Variants in CCDC3 observed in about 807,000 individuals in gnomAD.
CCDC3 encodes the protein coiled-coil domain containing 3, also known as coiled-coil domain-containing protein 3.
A neutral mutation model predicts 21.4 loss-of-function variants in CCDC3; 24 were observed. That is an observed-to-expected ratio of 1.12 (90% CI 0.81 to 1.58). The LOEUF is 1.58. Ranked by LOEUF, CCDC3 falls within the 40% of genes most tolerant of loss-of-function variation. The probability of loss-of-function intolerance (pLI) is 0.00; values close to 1 mark genes in which losing one functional copy is unlikely to be tolerated. For synonymous variants in CCDC3, 186 were observed against 166.0 expected, an observed-to-expected ratio of 1.12 and a Z score of -0.93; for missense variants, 425 against 360.9, an observed-to-expected ratio of 1.18 and a Z score of -1.44.
intron 2 of CCDC3, among the ~76,000 whole-genome samples, chr10:12,930,932 CG>C (rs1834629319): frequency 6.6e-6 from 1 of 152,114 alleles, no homozygotes. Context: ...TTTACTTGGC[CG>C]GGTGTAGTGG....
intron 2 of CCDC3, among the ~76,000 whole-genome samples, chr10:12,969,573 G>C (rs896196929): frequency 6.6e-6 from 1 of 151,288 alleles, no homozygotes; most frequent in Non-Finnish European, 1.5e-5. Flanking sequence ...TATGATAACA[G>C]TATGAAAAAG....
intron 3 of CCDC3, among the ~76,000 whole-genome samples, chr10:13,097,740 C>T (rs980491429): frequency 4.6e-5 from 7 of 151,994 alleles, no homozygotes; most frequent in Non-Finnish European, 1.0e-4. Context: ...TAAAATAAAA[C>T]CTTTGGGGCA....
At chr10:12,921,012 C>A (rs948294585) in intron 2 of CCDC3, among the ~76,000 whole-genome samples, 2 of 152,190 alleles carry the variant, frequency 1.3e-5, no homozygotes, top group African/African-American at 4.8e-5. Flanking sequence ...TGAGAACATT[C>A]TCTTTGCAGA....
In CCDC3 at chr10:12,898,363, A is replaced by T; in HGVS notation, c.*53T>A. 1 of 1,514,290 alleles carries T rather than the reference A, an allele frequency of 6.6e-7. No homozygotes were observed. The highest frequency in any genetic ancestry group is 1.3e-5 in the South Asian group (1 of 77,418). 93.8% of individuals were successfully genotyped at this position (1,514,290 alleles called of 1,614,324 possible). A position where few individuals can be genotyped will look rare whatever the true frequency, so the allele number is the denominator to read the frequency against. On this transcript the variant is annotated 3_prime_UTR_variant, in exon 3 of 3. Transcript: ENST00000378825. Reference sequence around the variant, plus strand: ...TAGCTGCATGTACGAAACCTCACTCATTCTCAATTACCGTCAGGATTGGCC... The same window carrying T: ...TAGCTGCATGTACGAAACCTCACTCTTTCTCAATTACCGTCAGGATTGGCC...
chr10:12,905,016 C>T (rs536627602), intron 2 of CCDC3, among the ~76,000 whole-genome samples: 1 of 151,970 alleles, frequency 6.6e-6, no homozygotes, highest in Non-Finnish European at 1.5e-5. Context: ...CCTTTCACAG[C>T]TGCTTTTAAT....
chr10:12,929,565 G>A (rs1180872722), intron 2 of CCDC3, among the ~76,000 whole-genome samples: 1 of 152,132 alleles, frequency 6.6e-6, no homozygotes, highest in East Asian at 1.9e-4. Flanking sequence ...CACAGGGAAT[G>A]GAGCTCACTC....
At chr10:12,915,898 T>C (rs1834345385) in intron 2 of CCDC3, among the ~76,000 whole-genome samples, 1 of 151,630 alleles carries the variant, frequency 6.6e-6, no homozygotes, top group African/African-American at 2.4e-5. Context: ...CTTGAGACCA[T>C]GGGTGCTGAC....
At chr10:12,909,124 G>A (rs1834223744) in intron 2 of CCDC3, among the ~76,000 whole-genome samples, 1 of 152,164 alleles carries the variant, frequency 6.6e-6, no homozygotes, top group African/African-American at 2.4e-5. Context: ...GGATGCCTCT[G>A]CTTGTTTAGT....
At chr10:12,956,200 C>T (rs1256021132) in intron 2 of CCDC3, among the ~76,000 whole-genome samples, 1 of 152,198 alleles carries the variant, frequency 6.6e-6, no homozygotes, top group Non-Finnish European at 1.5e-5. Context: ...GCCAAACCAC[C>T]AACCCTACCC....
upstream of CCDC3, among the ~76,000 whole-genome samples, chr10:13,005,759 G>A (rs995130131): frequency 6.6e-6 from 1 of 152,124 alleles, no homozygotes; most frequent in African/African-American, 2.4e-5. Flanking sequence ...CTTGTACACA[G>A]CCTGAACTTG....
chr10:13,031,455 T>C (rs890262603), intron 5 of CCDC3, among the ~76,000 whole-genome samples: 6 of 151,690 alleles, frequency 4.0e-5, no homozygotes, highest in African/African-American at 1.2e-4. Flanking sequence ...CAAGAGCAAA[T>C]ACATTCAAAA....
At chr10:12,927,508 T>C (rs1323660334) in intron 2 of CCDC3, among the ~76,000 whole-genome samples, 2 of 152,220 alleles carry the variant, frequency 1.3e-5, no homozygotes, top group East Asian at 3.8e-4. Flanking sequence ...CTCTAGTCTC[T>C]TTTACAATAT....
intron 2 of CCDC3, among the ~76,000 whole-genome samples, chr10:12,943,268 C>G (rs1286089357): frequency 6.6e-6 from 1 of 151,896 alleles, no homozygotes; most frequent in Non-Finnish European, 1.5e-5. Flanking sequence ...AAATACAATT[C>G]TAAGCACCCC....
At chr10:12,932,766 TCTCA>T (rs2131228913) in intron 2 of CCDC3, among the ~76,000 whole-genome samples, 1 of 152,356 alleles carries the variant, frequency 6.6e-6, no homozygotes, top group South Asian at 2.1e-4. Context: ...GCTTTGGGCT[TCTCA>T]CTATTAATTA....
At chr10:13,065,910 T>C (rs1184657972) in intron 4 of CCDC3, among the ~76,000 whole-genome samples, 1 of 152,174 alleles carries the variant, frequency 6.6e-6, no homozygotes, top group East Asian at 1.9e-4. Flanking sequence ...GCACTATAAA[T>C]GTTTGTTGAA....
intron 5 of CCDC3, among the ~76,000 whole-genome samples, chr10:13,007,568 G>A (rs1007080315): frequency 1.3e-5 from 2 of 152,008 alleles, no homozygotes; most frequent in African/African-American, 2.4e-5. Context: ...CCTGTCTCCC[G>A]GAACATGCTG....
At chr10:12,958,616 A>C (rs1299891578) in intron 2 of CCDC3, among the ~76,000 whole-genome samples, 1 of 152,092 alleles carries the variant, frequency 6.6e-6, no homozygotes, top group African/African-American at 2.4e-5. Context: ...TCAGCTCAAA[A>C]CTTCCATAGA....
Position 13,018,797 on chromosome 10 carries a change from G to C in CCDC3, c.-1-20285C>G, listed in dbSNP as rs541989395. Among the ~76,000 whole-genome samples, 7 of 152,016 alleles carry C rather than the reference G, an allele frequency of 4.6e-5. No individual in the cohort carries two copies. In the East Asian group the frequency reaches 1.2e-3, roughly 25 times the overall value. On this transcript the variant is annotated intron_variant, in intron 5 of 6. Coordinates refer to the CCDC3 transcript ENST00000378839. ...AATACAAAAAAAATCAGCTGGGCGAGGTGGTGAGTGCTTCTAATCTCAGCT... is the reference window on the plus strand; with the variant it reads ...AATACAAAAAAAATCAGCTGGGCGACGTGGTGAGTGCTTCTAATCTCAGCT...
intron 4 of CCDC3, among the ~76,000 whole-genome samples, chr10:13,067,545 A>T (rs1836836154): frequency 6.6e-6 from 1 of 152,152 alleles, no homozygotes; most frequent in South Asian, 2.1e-4. Context: ...CTGTATGGTG[A>T]GTAGCAAACC....
Sources: gnomAD v4.1 joint callset for allele counts (sites outside exome capture counted in the v4.1 genomes callset) on GRCh38, gnomAD v4.1.1 for gene constraint, MANE v1.5 for transcripts, NCBI Gene and HGNC (gene_info 2026-07-23, HGNC 2026-07-21) for gene names.